Variants in TTC39A observed in about 807,000 individuals in gnomAD.
The protein encoded by TTC39A is tetratricopeptide repeat domain 39A.
Under a neutral mutation model 82.3 loss-of-function variants are expected in TTC39A, and 46 were observed. That is an observed-to-expected ratio of 0.56 (90% CI 0.44 to 0.71). The LOEUF (loss-of-function observed/expected upper bound fraction) is 0.71, where lower values mean the gene tolerates loss of function less well. Among genes scored for constraint, TTC39A ranks in the 30% least tolerant of loss-of-function variants. The pLI, the probability that TTC39A is intolerant of heterozygous loss-of-function variation, is 0.00. For synonymous variants in TTC39A, 254 were observed against 275.2 expected (o/e 0.92, Z 0.76); for missense variants, 543 against 712.9 (o/e 0.76, Z 2.71).
intron 11 of TTC39A, 119 bp downstream of exon 11, chr1:51,302,238 T>TGGGGGGGGGGGGGGGGG: frequency 1.4e-6 from 1 of 723,628 alleles, no homozygotes; most frequent in Non-Finnish European, 2.5e-6. Flanking sequence ...GGTTCTCTCT[T>TGGGGGGGGGGGGGGGGG]GGCCCCCCCC....
At position 51,330,451 on chromosome 1, in the gene TTC39A, T is replaced by G; in HGVS notation, c.27A>C (p.Gly9=). 1 of 982,698 alleles carries G rather than the reference T, an allele frequency of 1.0e-6. No homozygotes were observed. 60.9% of individuals were successfully genotyped at this position (982,698 alleles called of 1,614,324 possible). The change falls in exon 1 of 18, where the codon GGA becomes GGC. Residue 9 remains glycine, a synonymous_variant. Transcript: ENST00000680483. The surrounding 1 kb of genome is among the most constrained non-coding windows in gnomAD (Gnocchi z 4.5). MTSAGGAP[G]ALPAGTPESS... ...CGCGCACTTACCCCGCGGGCAGGGC[T>G]CCTGGGGCGCCGCCAGCCGAGGTCA...
At chr1:51,344,879 C>A in intron 1 of TTC39A, 1 of 1,344,732 alleles carries the variant, frequency 7.4e-7, no homozygotes, top group Non-Finnish European at 9.9e-7. Context: ...AGCAGCCACA[C>A]ACCCTTTCCC....
At chr1:51,322,301 C>A (rs562837533) in intron 1 of TTC39A, 1 of 1,418,408 alleles carries the variant, frequency 7.1e-7, no homozygotes, top group East Asian at 2.6e-5. Context: ...TGGGCTGTCA[C>A]ACTATGGGTC....
At chr1:51,314,679 T>C (rs1217621301) in intron 2 of TTC39A, among the ~76,000 whole-genome samples, 4 of 152,106 alleles carry the variant, frequency 2.6e-5, no homozygotes, top group African/African-American at 9.7e-5. Context: ...AGGCAGTGGC[T>C]TGTAGAGAGG....
chr1:51,318,392 T>C (rs1645373580), intron 2 of TTC39A, among the ~76,000 whole-genome samples: 1 of 152,148 alleles, frequency 6.6e-6, no homozygotes, highest in Non-Finnish European at 1.5e-5. Flanking sequence ...GCCATGGTCA[T>C]GCTCTTGCTG....
intron 1 of TTC39A, among the ~76,000 whole-genome samples, chr1:51,341,448 G>T (rs931116734): frequency 6.6e-6 from 1 of 152,120 alleles, no homozygotes; most frequent in Admixed American, 6.5e-5. Flanking sequence ...CAGGAAATGT[G>T]GTGTGCTGGC....
chr1:51,318,571 A>G (rs186352979), intron 2 of TTC39A, among the ~76,000 whole-genome samples: 1 of 152,284 alleles, frequency 6.6e-6, no homozygotes, highest in Admixed American at 6.5e-5. Context: ...GAAATTGAAG[A>G]GGTCAGGCCT....
chr1:51,296,074 C>A lies in TTC39A; in HGVS notation c.1145+5G>T. 6.3e-7 allele frequency: 1 copy of A among 1,574,934 alleles called. No individual in the cohort carries two copies. The highest frequency in any genetic ancestry group is 1.8e-5 in the Admixed American group (1 of 54,080). ...TACACAGTGGGAGCACGATGTGGGA[C>A]CCACCGAAATAATTCCACTTCGTCG... is the stretch of plus-strand genomic sequence containing the variant. On this transcript the variant is annotated splice_donor_5th_base_variant and intron_variant, in intron 13 of 17. Transcript: ENST00000680483.
rs143796865 is a variant in TTC39A at position 51,294,678 on chromosome 1, G to A, written c.1146-167C>T. On this transcript the variant is annotated intron_variant, in intron 13 of 17. Transcript: ENST00000680483. This position sits in a 1 kb window ranked among gnomAD's most constrained non-coding sequence, Gnocchi z 4.3. ...GCCTTCTAGGTCTGAAATAGCCTGC[G>A]GCTATAATTTTAGAGACCCTGCCCC... is the stretch of plus-strand genomic sequence containing the variant. Among the ~76,000 whole-genome samples the A allele has an allele frequency of 9.8e-4, 149 of 152,328 alleles. No individual in the cohort carries two copies. The highest frequency in any genetic ancestry group is 3.4e-3 in the African/African-American group (140 of 41,564).
At chr1:51,343,097 A>G (rs1420481333) in intron 1 of TTC39A, 3 of 455,918 alleles carry the variant, frequency 6.6e-6, no homozygotes, top group Non-Finnish European at 1.3e-5. Flanking sequence ...CAAGAAAGCC[A>G]TGTGGCCAAG....
upstream of TTC39A, chr1:51,331,730 G>A (rs1029648056): frequency 8.1e-6 from 8 of 985,288 alleles, no homozygotes; most frequent in Non-Finnish European, 8.4e-6. Context: ...CCATCTCTAG[G>A]AGTCTCATAT....
At chr1:51,300,411 TCTC>T (rs1295028122) in intron 12 of TTC39A, 2 of 152,226 alleles carry the variant, frequency 1.3e-5, no homozygotes, top group Non-Finnish European at 2.9e-5. Context: ...AGATGACAGG[TCTC>T]CTAACAGGTG....
At chr1:51,296,795 C>G (rs945267911) in intron 12 of TTC39A, 1 of 157,506 alleles carries the variant, frequency 6.3e-6, no homozygotes, top group African/African-American at 2.4e-5. Flanking sequence ...CCCACCTCTG[C>G]TTCCTGGGAC....
chr1:51,324,603 C>A (rs952741006), intron 1 of TTC39A, among the ~76,000 whole-genome samples: 4 of 152,094 alleles, frequency 2.6e-5, no homozygotes, highest in African/African-American at 7.2e-5. Context: ...CTCACAGCAA[C>A]CTCCTCCTCC....
intron 1 of TTC39A, among the ~76,000 whole-genome samples, chr1:51,339,894 T>C (rs566424283): frequency 2.0e-5 from 3 of 152,298 alleles, no homozygotes; most frequent in South Asian, 4.1e-4. Context: ...TCCCCCAACA[T>C]TCATATGTGG....
intron 1 of TTC39A, chr1:51,344,938 G>T: frequency 2.6e-6 from 4 of 1,520,894 alleles, no homozygotes; most frequent in Non-Finnish European, 3.5e-6. Context: ...GTCCTCCGGC[G>T]GCCCCTTGGT....
At chr1:51,313,632 C>T (rs955109612) in intron 2 of TTC39A, among the ~76,000 whole-genome samples, 11 of 152,166 alleles carry the variant, frequency 7.2e-5, no homozygotes, top group African/African-American at 2.4e-4. Context: ...CACTGAACCA[C>T]ACAAACCTTC....
rs148617732 is a variant in TTC39A, at chr1:51,316,013, T to C, written c.147-3070A>G. Among the ~76,000 whole-genome samples, 477 of 152,336 alleles carry C rather than the reference T, an allele frequency of 3.1e-3. 4 individuals are homozygous for C. The highest frequency in any genetic ancestry group is 0.011 in the African/African-American group (467 of 41,564). ...ATGACCCTGAATTTCTATTTGGCAA[T>C]GAGCCCCAGGGAATGAGGCAGCCCT... On this transcript the variant is annotated intron_variant, in intron 2 of 17. Coordinates refer to ENST00000680483, the MANE Select transcript of TTC39A (RefSeq NM_001297663.2).
chr1:51,295,696 C>A (rs74080520), intron 13 of TTC39A: 1 of 233,628 alleles, frequency 4.3e-6, no homozygotes, highest in East Asian at 8.5e-5. Flanking sequence ...TGTTCGATTC[C>A]GACTGTCAGC....
Sources: gnomAD v4.1 joint callset for allele counts (sites outside exome capture counted in the v4.1 genomes callset) on GRCh38, gnomAD v4.1.1 for gene constraint, Gnocchi (gnomAD v3.1) non-coding constraint, MANE v1.5 for transcripts, NCBI Gene and HGNC (gene_info 2026-07-23, HGNC 2026-07-21) for gene names.